The following LARP4B variants were observed in gnomAD, a reference collection of about 807,000 sequenced individuals.
The protein encoded by LARP4B is la-related protein 4B.
Under a neutral mutation model 89.8 loss-of-function variants are expected in LARP4B, and 12 were observed. The observed-to-expected ratio is 0.13, with a 90% CI of 0.09 to 0.22. LARP4B has a LOEUF of 0.22. LARP4B is among the 10% of genes least tolerant of loss of function. LARP4B has a pLI of 1.00. For synonymous variants in LARP4B, 367 were observed against 363.3 expected (o/e 1.01, Z -0.12); for missense variants, 757 against 947.7 (o/e 0.80, Z 2.64).
At chr10:898,034 A>G (rs1025816527) in intron 1 of LARP4B, among the ~76,000 whole-genome samples, 2 of 151,924 alleles carry the variant, frequency 1.3e-5, no homozygotes, top group East Asian at 1.9e-4. Flanking sequence ...ATCCGAACGA[A>G]CATTTTCCCA....
intron 1 of LARP4B, among the ~76,000 whole-genome samples, chr10:895,225 A>T (rs896316259): frequency 2.0e-5 from 3 of 152,036 alleles, no homozygotes; most frequent in Admixed American, 6.6e-5. Flanking sequence ...AATAAAATAA[A>T]AAATAAATAA....
intron 1 of LARP4B, among the ~76,000 whole-genome samples, chr10:918,067 TTTA>T (rs1294513917): frequency 6.6e-6 from 1 of 152,216 alleles, no homozygotes; most frequent in Non-Finnish European, 1.5e-5. Context: ...TACTATGTAT[TTTA>T]TTGTTTTACC....
chr10:851,180 CT>C (rs144483000), intron 5 of LARP4B, among the ~76,000 whole-genome samples: 6,370 of 131,544 alleles, frequency 0.048, 150 homozygotes, highest in African/African-American at 0.098. Context: ...AAAACACTAA[CT>C]TTTTTTTTTT....
chr10:974,425 T>G, the LARP4B span, among the ~76,000 whole-genome samples: 1 of 152,122 alleles, frequency 6.6e-6, no homozygotes, highest in Admixed American at 6.6e-5. Context: ...TGCGTCTGAG[T>G]GTTTCTCAGA....
intron 1 of LARP4B, among the ~76,000 whole-genome samples, chr10:906,569 T>C (rs1296013891): frequency 2.0e-5 from 3 of 147,908 alleles, no homozygotes; most frequent in Non-Finnish European, 3.0e-5. Flanking sequence ...CAAAGGAGTC[T>C]ACCTCCTTGT....
chr10:861,288 G>A (rs1036629252), intron 5 of LARP4B, among the ~76,000 whole-genome samples: 1 of 152,194 alleles, frequency 6.6e-6, no homozygotes, highest in African/African-American at 2.4e-5. Context: ...ATCAAACTGG[G>A]TGGACAAAGC....
At chr10:909,881 T>C (rs1297123413) in intron 1 of LARP4B, among the ~76,000 whole-genome samples, 3 of 152,084 alleles carry the variant, frequency 2.0e-5, no homozygotes, top group African/African-American at 4.8e-5. Context: ...AGCAGTACCA[T>C]CTCCATCCTA....
chr10:955,588 C>T, the LARP4B span, among the ~76,000 whole-genome samples: 1 of 152,162 alleles, frequency 6.6e-6, no homozygotes, highest in Non-Finnish European at 1.5e-5. This position sits in a 1 kb window ranked among gnomAD's most constrained non-coding sequence, Gnocchi z 5.2. Flanking sequence ...AGACCCTCCA[C>T]GGCCCCTCCA....
chr10:894,276 C>T (rs1836125213), intron 1 of LARP4B, among the ~76,000 whole-genome samples: 1 of 152,138 alleles, frequency 6.6e-6, no homozygotes. Context: ...TTTAATCATA[C>T]CTCTAGATCT....
chr10:851,308 C>T (rs970261004), intron 5 of LARP4B, among the ~76,000 whole-genome samples: 3 of 151,884 alleles, frequency 2.0e-5, no homozygotes, highest in East Asian at 1.9e-4. Context: ...CTCAGCCTCC[C>T]GAGGAGCTGG....
the LARP4B span, among the ~76,000 whole-genome samples, chr10:975,505 G>A: frequency 1.3e-5 from 2 of 152,350 alleles, no homozygotes; most frequent in East Asian, 1.9e-4. Context: ...AAAATGTTAG[G>A]TTTGAAGAAA....
chr10:857,339 T>A lies in LARP4B; in HGVS notation c.430+6404A>T, dbSNP rs578143850. Among the ~76,000 whole-genome samples, 3 of 152,052 alleles carry A rather than the reference T, an allele frequency of 2.0e-5. No individual in the cohort carries two copies. The East Asian group carries it at 5.8e-4, about 29-fold the overall frequency. ...GGAGGGGGAAAAAAACTGTGAGAGA[T>A]GAAAACTACTGTAACAGAAATGCAG... On this transcript the variant is annotated intron_variant, in intron 5 of 17. Transcript: ENST00000316157.
In LARP4B at chr10:913,662, G is replaced by A. The variant is rs142516961; in HGVS notation, c.-40+17766C>T. Among the ~76,000 whole-genome samples the A allele has an allele frequency of 2.9e-3, 440 of 152,322 alleles. 5 individuals are homozygous for A. The highest frequency in any genetic ancestry group is 0.026 in the Admixed American group (403 of 15,300). ...AACTGTTAAGAATGAATAAATTAGG[G>A]CCGGGTGCAGTGGCTCACGCCTGTA... On this transcript the variant is annotated intron_variant, in intron 1 of 17. Transcript: ENST00000316157.
chr10:965,336 C>T, the LARP4B span, among the ~76,000 whole-genome samples: 2 of 152,184 alleles, frequency 1.3e-5, no homozygotes, highest in Non-Finnish European at 2.9e-5. Context: ...CCAGGTCCTG[C>T]CTGGACTCTG....
intron 5 of LARP4B, among the ~76,000 whole-genome samples, chr10:845,760 C>A (rs2131744593): frequency 6.6e-6 from 1 of 152,280 alleles, no homozygotes; most frequent in South Asian, 2.1e-4. Context: ...CCGGACACTG[C>A]ATAAAGAGGT....
In LARP4B at chr10:810,667, G is replaced by C. The variant is rs1329598846; in HGVS notation, c.*2259C>G. On this transcript the variant is annotated 3_prime_UTR_variant, in exon 18 of 18. Transcript: ENST00000316157. ...GGGCAGGCCTTGTGTTTTGGGAATG[G>C]CTGATGGCGCCCTGGCCCTTCCGTA... 1 of 152,254 alleles carries C rather than the reference G, an allele frequency of 6.6e-6. No homozygotes were observed. Among genetic ancestry groups the C allele is most frequent in the Non-Finnish European group, 1.5e-5 (1 of 68,038 alleles). The allele number at this position is 152,254 out of a possible 1,614,324, so 9.4% of individuals were successfully genotyped here. A position where few individuals can be genotyped will look rare whatever the true frequency, so the allele number is the denominator to read the frequency against.
chr10:959,852 C>T, the LARP4B span, among the ~76,000 whole-genome samples: 1 of 130,356 alleles, frequency 7.7e-6, no homozygotes, highest in Non-Finnish European at 1.6e-5. Flanking sequence ...CCCACCTCCT[C>T]GTCAATCCAC....
At chr10:958,707 T>C in the LARP4B span, among the ~76,000 whole-genome samples, 3 of 152,238 alleles carry the variant, frequency 2.0e-5, no homozygotes, top group African/African-American at 7.2e-5. Context: ...TTTAGCCGCT[T>C]TCTCTGCTGA....
At chr10:902,701 A>G (rs1836377879) in intron 1 of LARP4B, among the ~76,000 whole-genome samples, 1 of 150,488 alleles carries the variant, frequency 6.6e-6, no homozygotes, top group Non-Finnish European at 1.5e-5. Flanking sequence ...CTGGAGCGCA[A>G]TGGTGCCATC....
Sources: gnomAD v4.1 joint callset for allele counts (sites outside exome capture counted in the v4.1 genomes callset) on GRCh38, gnomAD v4.1.1 for gene constraint, Gnocchi (gnomAD v3.1) non-coding constraint, MANE v1.5 for transcripts, NCBI Gene and HGNC (gene_info 2026-07-23, HGNC 2026-07-21) for gene names.